The following FHIT variants were observed in gnomAD, a reference collection of about 807,000 sequenced individuals.
FHIT encodes bis(5'-adenosyl)-triphosphatase.
Under a neutral mutation model 17.9 loss-of-function variants are expected in FHIT, and 19 were observed. That is an observed-to-expected ratio of 1.06 (90% CI 0.74 to 1.56). The LOEUF (loss-of-function observed/expected upper bound fraction) is 1.56, where lower values mean the gene tolerates loss of function less well. Among genes scored for constraint, FHIT ranks in the 40% most tolerant of loss-of-function variants. FHIT has a pLI of 0.00. For synonymous variants in FHIT, 81 were observed against 69.7 expected, an observed-to-expected ratio of 1.16 and a Z score of -0.81; for missense variants, 248 against 189.2, an observed-to-expected ratio of 1.31 and a Z score of -1.82.
At chr3:60,634,538 T>C (rs2039529556) in intron 4 of FHIT, among the ~76,000 whole-genome samples, 1 of 152,230 alleles carries the variant, frequency 6.6e-6, no homozygotes, top group African/African-American at 2.4e-5. Flanking sequence ...GGCATCACTC[T>C]GCTTGAGAAA....
intron 5 of FHIT, among the ~76,000 whole-genome samples, chr3:60,304,342 A>G (rs563054672): frequency 6.6e-6 from 1 of 152,152 alleles, no homozygotes; most frequent in Non-Finnish European, 1.5e-5. Context: ...CTCTACCAGG[A>G]GAAAAGGAGC....
intron 3 of FHIT, among the ~76,000 whole-genome samples, chr3:60,989,063 AG>A (rs1344752946): frequency 2.6e-5 from 4 of 151,780 alleles, no homozygotes; most frequent in African/African-American, 9.7e-5. Context: ...GTTGGAAGGA[AG>A]CATTTGTATT....
At chr3:61,175,044 C>T (rs543771080) in intron 2 of FHIT, among the ~76,000 whole-genome samples, 20 of 151,944 alleles carry the variant, frequency 1.3e-4, no homozygotes, top group Middle Eastern at 3.4e-3. Context: ...AGGACGTCTG[C>T]GAAACCCTCA....
intron 5 of FHIT, among the ~76,000 whole-genome samples, chr3:60,377,706 C>A (rs569555278): frequency 6.6e-6 from 1 of 151,322 alleles, no homozygotes; most frequent in African/African-American, 2.4e-5. Flanking sequence ...TGGTCTCGAT[C>A]TCCTGACCTC....
chr3:60,128,983 T>C (rs1403441430), intron 5 of FHIT, among the ~76,000 whole-genome samples: 2 of 152,120 alleles, frequency 1.3e-5, no homozygotes, highest in Non-Finnish European at 2.9e-5. Flanking sequence ...AGATAATTCA[T>C]TGATTTCACA....
At chr3:59,891,493 T>C (rs1208483732) in intron 8 of FHIT, among the ~76,000 whole-genome samples, 1 of 152,202 alleles carries the variant, frequency 6.6e-6, no homozygotes, top group Admixed American at 6.5e-5. Context: ...ATGGCCGTTC[T>C]AAGCCAGTCA....
rs554575683 is a variant in FHIT at position 60,380,664 on chromosome 3, T to C, written c.103+156196A>G. Among the ~76,000 whole-genome samples the C allele has an allele frequency of 1.4e-4, 21 of 152,312 alleles. No individual in the cohort carries two copies. In the South Asian group the frequency reaches 3.9e-3, roughly 29 times the overall value. On this transcript the variant is annotated intron_variant, in intron 5 of 9. Transcript: ENST00000492590. ...CTCCGTACACGTCCAAGTTTAGTTG[T>C]CTCACTGCATGAGTATTTTCCATCT...
At chr3:59,983,814 G>A (rs78852495) in intron 7 of FHIT, among the ~76,000 whole-genome samples, 10,838 of 152,030 alleles carry the variant, frequency 0.071, 549 homozygotes, top group African/African-American at 0.13. Flanking sequence ...AGCAAAGACA[G>A]GGACCTGATT....
intron 5 of FHIT, among the ~76,000 whole-genome samples, chr3:60,502,650 G>C (rs2034569875): frequency 6.6e-6 from 1 of 152,068 alleles, no homozygotes. Context: ...CCATGTACCA[G>C]ACATTGTGTT....
At chr3:60,137,545 A>G (rs146481669) in intron 5 of FHIT, among the ~76,000 whole-genome samples, 2 of 152,330 alleles carry the variant, frequency 1.3e-5, no homozygotes, top group Middle Eastern at 3.4e-3. Context: ...TCATGTGACT[A>G]TGTGATGAGG....
At chr3:60,896,867 G>C (rs7649286) in intron 3 of FHIT, among the ~76,000 whole-genome samples, 24,438 of 152,036 alleles carry the variant, frequency 0.16, 2,396 homozygotes, top group Middle Eastern at 0.25. Context: ...ATATAAAAAG[G>C]TATTCAGAGA....
intron 5 of FHIT, among the ~76,000 whole-genome samples, chr3:60,345,213 A>G (rs983203710): frequency 9.2e-5 from 14 of 152,202 alleles, no homozygotes; most frequent in African/African-American, 3.4e-4. Context: ...CGTGTCCATG[A>G]CAAGTATTCC....
intron 4 of FHIT, among the ~76,000 whole-genome samples, chr3:60,592,345 A>G (rs2038115601): frequency 6.6e-6 from 1 of 151,820 alleles, no homozygotes; most frequent in African/African-American, 2.4e-5. Flanking sequence ...CGAATAAAAA[A>G]TATGTATCTA....
intron 4 of FHIT, among the ~76,000 whole-genome samples, chr3:60,606,807 T>C (rs1275346803): frequency 6.6e-6 from 1 of 152,270 alleles, no homozygotes; most frequent in African/African-American, 2.4e-5. Context: ...CCAAGTAGAC[T>C]CCATCTTGAT....
At chr3:60,520,682 G>A (rs2035323891) in intron 5 of FHIT, among the ~76,000 whole-genome samples, 2 of 152,068 alleles carry the variant, frequency 1.3e-5, no homozygotes, top group African/African-American at 4.8e-5. Context: ...GTTCAAAGAG[G>A]ACACTAACAT....
At chr3:59,802,539 C>A (rs962526958) in intron 8 of FHIT, among the ~76,000 whole-genome samples, 1 of 152,116 alleles carries the variant, frequency 6.6e-6, no homozygotes, top group African/African-American at 2.4e-5. Context: ...CCTTGTGACC[C>A]CCGCCCCTGC....
intron 4 of FHIT, among the ~76,000 whole-genome samples, chr3:60,654,714 T>C (rs2040075432): frequency 6.6e-6 from 1 of 152,210 alleles, no homozygotes; most frequent in South Asian, 2.1e-4. Flanking sequence ...ATCACAGGAA[T>C]TGTGACAGAG....
intron 5 of FHIT, among the ~76,000 whole-genome samples, chr3:60,020,511 T>C (rs1378296627): frequency 2.0e-5 from 3 of 152,198 alleles, no homozygotes; most frequent in Non-Finnish European, 4.4e-5. Context: ...TATATATTAA[T>C]ATGAAGTAAG....
intron 3 of FHIT, among the ~76,000 whole-genome samples, chr3:60,910,108 G>C (rs1706654553): frequency 6.6e-6 from 1 of 152,056 alleles, no homozygotes; most frequent in Admixed American, 6.6e-5. Context: ...TGGTTCTTTT[G>C]GGATTTCAAT....
Sources: gnomAD v4.1 joint callset for allele counts (sites outside exome capture counted in the v4.1 genomes callset) on GRCh38, gnomAD v4.1.1 for gene constraint, MANE v1.5 for transcripts, NCBI Gene and HGNC (gene_info 2026-07-23, HGNC 2026-07-21) for gene names.